RARB: variants seen among roughly 807,000 people sequenced by gnomAD.
RARB encodes HBV-activated protein.
Under a neutral mutation model 51.9 loss-of-function variants are expected in RARB, and 17 were observed. The ratio of observed to expected loss-of-function variants is 0.33; its 90% CI spans 0.22 to 0.49. RARB has a LOEUF of 0.49. Ranked by LOEUF, RARB falls within the 20% of genes least tolerant of loss-of-function variation. RARB has a pLI of 0.99. For synonymous variants in RARB, 215 were observed against 195.4 expected, an observed-to-expected ratio of 1.10 and a Z score of -0.84; for missense variants, 369 against 550.8, an observed-to-expected ratio of 0.67 and a Z score of 3.30.
intron 2 of RARB, among the ~76,000 whole-genome samples, chr3:24,964,485 T>G (rs991990335): frequency 5.9e-5 from 9 of 152,124 alleles, no homozygotes; most frequent in Non-Finnish European, 1.3e-4. Context: ...AACCCACCAC[T>G]CTCCATTTTA....
chr3:25,282,034 C>T (rs1003545312), intron 5 of RARB, among the ~76,000 whole-genome samples: 4 of 152,088 alleles, frequency 2.6e-5, no homozygotes, highest in Admixed American at 2.6e-4. Flanking sequence ...AATTTCAATG[C>T]AATTAGATAA....
intron 5 of RARB, among the ~76,000 whole-genome samples, chr3:25,339,684 C>G (rs576116587): frequency 1.3e-5 from 2 of 151,494 alleles, no homozygotes; most frequent in Non-Finnish European, 2.9e-5. Context: ...GCACAGGGAT[C>G]TTGCTCTCTT....
chr3:25,412,134 T>C (rs1707579003), intron 5 of RARB, among the ~76,000 whole-genome samples: 3 of 152,186 alleles, frequency 2.0e-5, no homozygotes, highest in Admixed American at 2.0e-4. Context: ...TAATAAAACT[T>C]GTAGTCAAAG....
chr3:25,284,568 G>T (rs1200800485), intron 5 of RARB, among the ~76,000 whole-genome samples: 1 of 152,058 alleles, frequency 6.6e-6, no homozygotes, highest in African/African-American at 2.4e-5. Flanking sequence ...AACTAATATA[G>T]TGAGGGAAGC....
intron 5 of RARB, among the ~76,000 whole-genome samples, chr3:25,263,930 G>A (rs766619672): frequency 4.6e-5 from 7 of 152,086 alleles, no homozygotes; most frequent in African/African-American, 7.2e-5. Flanking sequence ...ACTGACAAGC[G>A]TATTTCTCTT....
At chr3:25,332,564 A>G (rs933673568) in intron 5 of RARB, among the ~76,000 whole-genome samples, 2 of 152,220 alleles carry the variant, frequency 1.3e-5, no homozygotes, top group Non-Finnish European at 1.5e-5. Flanking sequence ...CCCACAGCCA[A>G]TATCATACTG....
Position 25,516,631 on chromosome 3 carries a change from C to CTTTTTTTTTTTTTTTTTTTT in RARB, c.448+15321_448+15322insTTTTTTTTTTTTTTTTTTTT, listed in dbSNP as rs559135603. ...CAAAGGTTCATCTTTATTTCCTTGT[C>CTTTTTTTTTTTTTTTTTTTT]TTTTTTTTTTTTTGAGACAGGGTCA... On this transcript the variant is annotated intron_variant, in intron 3 of 7. Coordinates refer to ENST00000330688, the MANE Select transcript of RARB (RefSeq NM_000965.5). Among the ~76,000 whole-genome samples, 189 of 131,632 alleles carry CTTTTTTTTTTTTTTTTTTTT rather than the reference C, an allele frequency of 1.4e-3. 18 individuals are homozygous for CTTTTTTTTTTTTTTTTTTTT. Among genetic ancestry groups the CTTTTTTTTTTTTTTTTTTTT allele is most frequent in the African/African-American group, 5.3e-3 (162 of 30,422 alleles). The allele number at this position is 131,632 out of a possible 152,430, so 86.4% of individuals were successfully genotyped here.
intron 5 of RARB, among the ~76,000 whole-genome samples, chr3:25,322,089 C>A (rs1250221201): frequency 1.3e-5 from 2 of 151,998 alleles, no homozygotes; most frequent in Non-Finnish European, 2.9e-5. Flanking sequence ...CAGTAAGTTA[C>A]TGGAGTAGCA....
intron 2 of RARB, among the ~76,000 whole-genome samples, chr3:24,939,208 T>A (rs1419859377): frequency 6.6e-6 from 1 of 152,196 alleles, no homozygotes; most frequent in Non-Finnish European, 1.5e-5. Flanking sequence ...TCTCTCAAAC[T>A]CCTGACCTCA....
intron 3 of RARB, among the ~76,000 whole-genome samples, chr3:25,064,711 A>G (rs985076896): frequency 1.1e-4 from 16 of 152,178 alleles, no homozygotes; most frequent in African/African-American, 3.4e-4. Flanking sequence ...TTCTGAGACC[A>G]TGTAGCTAGA....
At position 25,520,122 on chromosome 3, in the gene RARB, G is replaced by T. The variant is rs538928478; in HGVS notation, c.448+18799G>T. On this transcript the variant is annotated intron_variant, in intron 3 of 7. Coordinates refer to ENST00000330688, the MANE Select transcript of RARB (RefSeq NM_000965.5). ...TGCTAAACAACAGAGTTGAGTAGTTGTCACAGAGGCCATACTGCCCACAAA... is the reference window on the plus strand; with the variant it reads ...TGCTAAACAACAGAGTTGAGTAGTTTTCACAGAGGCCATACTGCCCACAAA... Among the ~76,000 whole-genome samples, 3 of 152,280 alleles carry T rather than the reference G, an allele frequency of 2.0e-5. No homozygotes were observed. In the East Asian group the frequency reaches 5.8e-4, roughly 29 times the overall value.
intron 2 of RARB, among the ~76,000 whole-genome samples, chr3:24,931,001 A>G (rs1431380178): frequency 6.6e-6 from 1 of 152,096 alleles, no homozygotes; most frequent in Non-Finnish European, 1.5e-5. Flanking sequence ...TGACAGAGTG[A>G]GACTCTGTCT....
At chr3:25,221,505 A>G (rs976907893) in intron 5 of RARB, among the ~76,000 whole-genome samples, 1 of 152,196 alleles carries the variant, frequency 6.6e-6, no homozygotes, top group African/African-American at 2.4e-5. Flanking sequence ...CTCCTTTGTC[A>G]TCATGTTTTT....
At chr3:25,443,059 CGT>C (rs1358882383) in intron 1 of RARB, among the ~76,000 whole-genome samples, 1 of 152,154 alleles carries the variant, frequency 6.6e-6, no homozygotes, top group East Asian at 1.9e-4. Context: ...CTCCTGCTTA[CGT>C]GTGTCCTCTG....
chr3:25,014,388 G>A (rs1476488521), intron 2 of RARB, among the ~76,000 whole-genome samples: 10 of 152,246 alleles, frequency 6.6e-5, no homozygotes, highest in Admixed American at 5.9e-4. Context: ...AGCTATTTAT[G>A]TGAAGAGAGG....
intron 1 of RARB, among the ~76,000 whole-genome samples, chr3:25,444,080 T>C (rs2125533285): frequency 6.6e-6 from 1 of 152,348 alleles, no homozygotes; most frequent in East Asian, 1.9e-4. Context: ...ATAATTAATA[T>C]TTATTAAGTG....
chr3:25,574,895 G>A (rs1200573125), intron 4 of RARB, among the ~76,000 whole-genome samples: 1 of 152,140 alleles, frequency 6.6e-6, no homozygotes, highest in African/African-American at 2.4e-5. Context: ...TGCATCAGGA[G>A]GGATAGAAGG....
intron 2 of RARB, among the ~76,000 whole-genome samples, chr3:25,004,855 A>G (rs547668235): frequency 6.6e-6 from 1 of 152,286 alleles, no homozygotes; most frequent in Non-Finnish European, 1.5e-5. Context: ...ATAAAATAAA[A>G]TTCTACTGCT....
At chr3:25,537,423 C>T (rs986555236) in intron 3 of RARB, among the ~76,000 whole-genome samples, 3 of 152,168 alleles carry the variant, frequency 2.0e-5, no homozygotes, top group East Asian at 1.9e-4. Context: ...ACTCTGTTTG[C>T]GTGCACACAC....
Sources: gnomAD v4.1 joint callset for allele counts (sites outside exome capture counted in the v4.1 genomes callset) on GRCh38, gnomAD v4.1.1 for gene constraint, MANE v1.5 for transcripts, NCBI Gene and HGNC (gene_info 2026-07-23, HGNC 2026-07-21) for gene names.